TECTA: variants seen among roughly 807,000 people sequenced by gnomAD.
The protein encoded by TECTA is alpha-tectorin.
TECTA carries 128 observed loss-of-function variants against 216.8 expected under a neutral mutation model. That is an observed-to-expected ratio of 0.59 (90% CI 0.51 to 0.68). The LOEUF is 0.68. Ranked by LOEUF, TECTA falls within the 30% of genes least tolerant of loss-of-function variation. The pLI is 0.00. For missense variants in TECTA, 2,551 were observed against 2,786.2 expected, an observed-to-expected ratio of 0.92 and a Z score of 1.90; for synonymous variants, 1,089 against 1,117.1, an observed-to-expected ratio of 0.97 and a Z score of 0.50.
chr11:121,177,007 C>A (rs191807578), intron 20 of TECTA, among the ~76,000 whole-genome samples: 10 of 152,328 alleles, frequency 6.6e-5, no homozygotes, highest in African/African-American at 2.4e-4. Flanking sequence ...AGTTCTTGAG[C>A]CTTGGCTTTC....
At chr11:121,145,445 C>T in intron 11 of TECTA, 110 bp from the exon 12 acceptor site, 1 of 1,136,728 alleles carries the variant, frequency 8.8e-7, no homozygotes, top group Non-Finnish European at 1.3e-6. Flanking sequence ...TGCATTCAAC[C>T]TGCTCAAACT....
At chr11:121,174,247 G>C (rs1947141541) in intron 20 of TECTA, among the ~76,000 whole-genome samples, 2 of 151,722 alleles carry the variant, frequency 1.3e-5, no homozygotes, top group South Asian at 4.2e-4. Flanking sequence ...AGTGGTGAGA[G>C]AGGGCATCCC....
intron 23 of TECTA, chr11:121,190,102 T>G: frequency 1.8e-6 from 1 of 549,118 alleles, no homozygotes; most frequent in East Asian, 3.2e-5. Context: ...TCATCTAAAA[T>G]ATAAAGGTAA....
chr11:121,113,651 T>C lies in TECTA; in HGVS notation c.723T>C (p.Val241=). The C allele has an allele frequency of 6.2e-7, 1 of 1,613,848 alleles. No homozygotes were observed. Among genetic ancestry groups the C allele is most frequent in the Non-Finnish European group, 8.5e-7 (1 of 1,179,998 alleles). The change falls in exon 6 of 24, where the codon GTT becomes GTC. Residue 241 remains valine (V), a synonymous_variant. Coordinates refer to ENST00000392793, the MANE Select transcript of TECTA (RefSeq NM_005422.4). This position sits in a 1 kb window ranked among gnomAD's most constrained non-coding sequence, Gnocchi z 4.2. ...VNIQETTNVN[V]PGRWAFKVDG... is the part of the protein sequence containing the mutation. ...TCCAGGAGACCACAAACGTCAATGT[T>C]CCAGGCCGCTGGGCATTTAAAGTTG...
In TECTA at chr11:121,125,673, C is replaced by A; in HGVS notation, c.1575C>A (p.Gly525=). The change falls in exon 8 of 24, where the codon GGC becomes GGA. Residue 525 remains glycine, a synonymous_variant. Transcript: ENST00000392793. Reference sequence around the variant, plus strand: ...TCTACTTTGGCTCTGACTACTGCGGCTTCCTCAACAAGACAGACGGCCCTC... The same window carrying A: ...TCTACTTTGGCTCTGACTACTGCGGATTCCTCAACAAGACAGACGGCCCTC... ...EALYFGSDYC[G]FLNKTDGPLW... The A allele has an allele frequency of 6.2e-7, 1 of 1,610,410 alleles. No homozygotes were observed. Among genetic ancestry groups the A allele is most frequent in the South Asian group, 1.1e-5 (1 of 91,034 alleles).
chr11:121,133,441 A>G (rs556079367), intron 10 of TECTA, among the ~76,000 whole-genome samples: 1 of 152,304 alleles, frequency 6.6e-6, no homozygotes, highest in African/African-American at 2.4e-5. Context: ...AATGTTCTTT[A>G]CGGTTCTTTT....
intron 4 of TECTA, among the ~76,000 whole-genome samples, chr11:121,112,183 G>A (rs1292311938): frequency 6.6e-6 from 1 of 152,190 alleles, no homozygotes; most frequent in Non-Finnish European, 1.5e-5. Context: ...ATAAAGGACA[G>A]GGTTTGCTAC....
Position 121,127,884 on chromosome 11 carries a change from G to C in TECTA, c.1907G>C (p.Gly636Ala). ...PCTEGCECNQ[G>A]FVLSTSQCVP... is the part of the protein sequence containing the mutation. The stretch of plus-strand genomic sequence containing the variant: ...ACAGAGGGCTGCGAGTGCAACCAGG[G>C]CTTCGTCCTCAGCACCAGCCAGTGC... Residue 636 changes from glycine (G) to alanine (A), a missense_variant, in exon 9 of 24, where the codon GGC (glycine) becomes GCC (alanine). Gly to Ala is a moderately conservative substitution (Grantham distance 60). This residue lies in a region of TECTA where 2,375 missense variants were observed against 2,563.9 expected (regional missense o/e 0.93). Coordinates refer to ENST00000392793, the MANE Select transcript of TECTA (RefSeq NM_005422.4). The surrounding 1 kb of genome is among the most constrained non-coding windows in gnomAD (Gnocchi z 5.0). 6.2e-7 allele frequency: 1 copy of C among 1,614,064 alleles called. No homozygotes were observed. The highest frequency in any genetic ancestry group is 1.1e-5 in the South Asian group (1 of 91,080).
chr11:121,178,562 G>GTGTGTGTGTGT (rs1947194159), intron 20 of TECTA, among the ~76,000 whole-genome samples: 5 of 145,750 alleles, frequency 3.4e-5, no homozygotes, highest in Non-Finnish European at 7.6e-5. Flanking sequence ...GTGTGTGTGT[G>GTGTGTGTGTGT]GTGTCCTGGT....
chr11:121,141,656 AG>A (rs1164199755), intron 11 of TECTA, among the ~76,000 whole-genome samples: 2 of 152,126 alleles, frequency 1.3e-5, no homozygotes, highest in African/African-American at 4.8e-5. Flanking sequence ...TCAGGCCAAC[AG>A]GGAGGTTTTC....
At chr11:121,139,281 G>A (rs1326832002) in intron 11 of TECTA, among the ~76,000 whole-genome samples, 1 of 152,174 alleles carries the variant, frequency 6.6e-6, no homozygotes, top group East Asian at 1.9e-4. Context: ...CATGTCTAAA[G>A]TGTTCTCACT....
intron 10 of TECTA, among the ~76,000 whole-genome samples, chr11:121,135,962 CT>C (rs5795262): frequency 1.6e-3 from 234 of 147,894 alleles, no homozygotes; most frequent in African/African-American, 5.2e-3. Flanking sequence ...ATTTTATGTG[CT>C]TTTTTTTTTT....
intron 21 of TECTA, among the ~76,000 whole-genome samples, chr11:121,188,423 G>A (rs1042451624): frequency 6.6e-6 from 1 of 152,192 alleles, no homozygotes; most frequent in African/African-American, 2.4e-5. Flanking sequence ...GAGTCTCAAG[G>A]AGCCAGGCGG....
At chr11:121,121,352 G>A (rs1272909071) in intron 7 of TECTA, among the ~76,000 whole-genome samples, 1 of 152,186 alleles carries the variant, frequency 6.6e-6, no homozygotes, top group South Asian at 2.1e-4. Context: ...TCCTGGGAGA[G>A]GTACTGTGGA....
chr11:121,189,902 G>A, intron 23 of TECTA, 22 bp downstream of exon 23: 1 of 1,597,698 alleles, frequency 6.3e-7, no homozygotes, highest in South Asian at 1.1e-5. Flanking sequence ...TCTACCCTGG[G>A]GCAGGCAGCT....
chr11:121,127,758 C>T lies in TECTA; in HGVS notation c.1781C>T (p.Thr594Ile), dbSNP rs1342721278. The change falls in exon 9 of 24, where the codon ACA (threonine) becomes ATA (isoleucine). Residue 594 changes from threonine to isoleucine, a missense_variant. Coordinates refer to ENST00000392793, the MANE Select transcript of TECTA (RefSeq NM_005422.4). The surrounding 1 kb of genome is among the most constrained non-coding windows in gnomAD (Gnocchi z 5.0). ...CTTCCTTTCCCCGCGTCAGTGTCCA[C>T]AGTGCAGTGCCCGAGCTTCAGCCAC... is the stretch of plus-strand genomic sequence containing the variant. ...DWRTQTGCVS[T>I]VQCPSFSHYS... 5.6e-6 allele frequency: 9 copies of T among 1,614,038 alleles called. No homozygotes were observed. The highest frequency in any genetic ancestry group is 7.6e-6 in the Non-Finnish European group (9 of 1,180,002).
intron 8 of TECTA, among the ~76,000 whole-genome samples, chr11:121,126,737 T>C (rs556823189): frequency 6.6e-6 from 1 of 152,330 alleles, no homozygotes; most frequent in African/African-American, 2.4e-5. Context: ...AACCATAATG[T>C]ATCAGGTTCA....
chr11:121,138,118 T>C lies in TECTA; in HGVS notation c.3543+96T>C, dbSNP rs1321499726. ...GCAGCTGAATCAGGCAGGTCCGGAA[T>C]CCAAAGAAAATCTTAGTATATTAAA... is the stretch of plus-strand genomic sequence containing the variant. On this transcript the variant is annotated intron_variant, in intron 11 of 23. Coordinates refer to ENST00000392793, the MANE Select transcript of TECTA (RefSeq NM_005422.4). 5 of 1,557,006 alleles carry C rather than the reference T, an allele frequency of 3.2e-6. No homozygotes were observed. In the African/African-American group the frequency reaches 6.8e-5, roughly 21 times the overall value.
chr11:121,162,323 G>T lies in TECTA; in HGVS notation c.5225G>T (p.Arg1742Leu). Residue 1742 changes from arginine to leucine, a missense_variant, in exon 16 of 24, where the codon CGC becomes CTC. Transcript: ENST00000392793. Reference sequence around the variant, plus strand: ...CTGGCCGCCTACGGGGAGGCCTGCCGCTCCTTCGGGATCCTTAGCACCGAG... The same window carrying T: ...CTGGCCGCCTACGGGGAGGCCTGCCTCTCCTTCGGGATCCTTAGCACCGAG... Reference protein sequence around the residue: ...GSLAAYGEACRSFGILSTEWI... With the variant: ...GSLAAYGEACLSFGILSTEWI... 1 of 1,613,628 alleles carries T rather than the reference G, an allele frequency of 6.2e-7. No individual in the cohort carries two copies. The highest frequency in any genetic ancestry group is 1.6e-4 in the Middle Eastern group (1 of 6,062).
Sources: allele counts gnomAD v4.1 joint callset (sites outside exome capture counted in the v4.1 genomes callset), GRCh38; gene constraint gnomAD v4.1.1; regional missense constraint gnomAD v4.1.1; non-coding constraint Gnocchi (gnomAD v3.1); transcripts MANE v1.5; gene names NCBI Gene and HGNC (gene_info 2026-07-23, HGNC 2026-07-21).